PTPN12: variants seen among roughly 807,000 people sequenced by gnomAD.
The protein encoded by PTPN12 is tyrosine-protein phosphatase non-receptor type 12.
In PTPN12, 29 loss-of-function variants were observed where a neutral mutation model predicts 97.6. That is an observed-to-expected ratio of 0.30 (90% confidence interval 0.22 to 0.41). The LOEUF (loss-of-function observed/expected upper bound fraction) is 0.41, where lower values mean the gene tolerates loss of function less well. PTPN12 is among the 10% of genes least tolerant of loss of function. The pLI, the probability that PTPN12 is intolerant of heterozygous loss-of-function variation, is 1.00. For synonymous variants in PTPN12, 327 were observed against 300.4 expected, an observed-to-expected ratio of 1.09 and a Z score of -0.91; for missense variants, 819 against 926.0, an observed-to-expected ratio of 0.88 and a Z score of 1.50.
At chr7:77,607,609 T>G (rs948538650) in intron 9 of PTPN12, among the ~76,000 whole-genome samples, 1 of 152,078 alleles carries the variant, frequency 6.6e-6, no homozygotes, top group Non-Finnish European at 1.5e-5. Context: ...AAAATAAAGG[T>G]GGAGAAAAGG....
At chr7:77,561,820 C>G (rs1232697984) in intron 1 of PTPN12, among the ~76,000 whole-genome samples, 1 of 151,866 alleles carries the variant, frequency 6.6e-6, no homozygotes. Context: ...GAGACAGAGT[C>G]TTGCTCTGTC....
At chr7:77,538,493 T>G (rs1806779391) in intron 1 of PTPN12, among the ~76,000 whole-genome samples, 1 of 151,946 alleles carries the variant, frequency 6.6e-6, no homozygotes, top group Non-Finnish European at 1.5e-5. Flanking sequence ...GAGGCGACGC[T>G]ACGGGCCGAA....
intron 5 of PTPN12, among the ~76,000 whole-genome samples, chr7:77,587,327 TGTC>T (rs1787722641): frequency 6.6e-6 from 1 of 152,180 alleles, no homozygotes; most frequent in South Asian, 2.1e-4. Context: ...TCCTTGTACA[TGTC>T]CATCAGAGCT....
chr7:77,545,173 TATC>T (rs759303093), intron 1 of PTPN12, among the ~76,000 whole-genome samples: 41 of 152,340 alleles, frequency 2.7e-4, no homozygotes, highest in Non-Finnish European at 5.1e-4. Context: ...AAAATCAAGA[TATC>T]ATGTCATCGG....
chr7:77,539,377 T>C (rs1327037440), intron 1 of PTPN12, among the ~76,000 whole-genome samples: 1 of 152,198 alleles, frequency 6.6e-6, no homozygotes, highest in Non-Finnish European at 1.5e-5. Context: ...AAACATTTGC[T>C]CTTGATATTT....
chr7:77,590,242 A>G (rs1787822656), intron 5 of PTPN12, among the ~76,000 whole-genome samples: 1 of 152,226 alleles, frequency 6.6e-6, no homozygotes, highest in Non-Finnish European at 1.5e-5. Context: ...TACCAGGAAT[A>G]TAAGTACCAA....
At chr7:77,628,191 G>T (rs889733144) in intron 13 of PTPN12, among the ~76,000 whole-genome samples, 10 of 152,124 alleles carry the variant, frequency 6.6e-5, no homozygotes, top group African/African-American at 2.4e-4. Flanking sequence ...CCAACCCTGA[G>T]TTTAACCCAG....
At chr7:77,634,875 C>A (rs1449819679) in intron 14 of PTPN12, among the ~76,000 whole-genome samples, 5 of 150,688 alleles carry the variant, frequency 3.3e-5, no homozygotes, top group Admixed American at 6.6e-5. Context: ...CCACGCCCGG[C>A]CTTGTTTTGT....
chr7:77,570,153 G>T (rs950674771), intron 1 of PTPN12, among the ~76,000 whole-genome samples: 1 of 152,128 alleles, frequency 6.6e-6, no homozygotes, highest in Non-Finnish European at 1.5e-5. Context: ...ATGTATTCCT[G>T]TTGTAGGTCT....
At chr7:77,589,511 A>G (rs1787798761) in intron 5 of PTPN12, among the ~76,000 whole-genome samples, 1 of 152,156 alleles carries the variant, frequency 6.6e-6, no homozygotes, top group South Asian at 2.1e-4. Flanking sequence ...AATGTAGTTA[A>G]TATATTTAAA....
chr7:77,548,189 T>C (rs1415421011), intron 1 of PTPN12, among the ~76,000 whole-genome samples: 1 of 152,214 alleles, frequency 6.6e-6, no homozygotes, highest in Non-Finnish European at 1.5e-5. Flanking sequence ...CTATCAGATA[T>C]GTTTAAAGTG....
intron 12 of PTPN12, among the ~76,000 whole-genome samples, chr7:77,620,135 A>G (rs17467176): frequency 0.018 from 2,793 of 152,322 alleles, 34 homozygotes; most frequent in Middle Eastern, 0.071. Flanking sequence ...GATTGAGCCA[A>G]TATAGAGGTT....
Position 77,621,051 on chromosome 7 carries a change from C to CAT in PTPN12, c.1025+2504_1025+2505dup, listed in dbSNP as rs34626577. On this transcript the variant is annotated intron_variant, in intron 12 of 17. Coordinates refer to ENST00000248594, the MANE Select transcript of PTPN12 (RefSeq NM_002835.4). ...CTAAGGTGGGCGGATTGCTTGAATC[C>CAT]ATATATATATATATATATAAAAATA... is the stretch of plus-strand genomic sequence containing the variant. 7.3e-3 allele frequency among the ~76,000 whole-genome samples: 1,085 copies of CAT among 148,794 alleles called. 8 individuals carry two copies. The highest frequency in any genetic ancestry group is 0.016 in the African/African-American group (641 of 40,646).
intron 1 of PTPN12, among the ~76,000 whole-genome samples, chr7:77,566,589 C>T (rs1018997534): frequency 2.0e-5 from 3 of 152,054 alleles, no homozygotes; most frequent in East Asian, 1.9e-4. Context: ...CGTGGCGGTG[C>T]GTGCCTATAG....
intron 8 of PTPN12, 184 bp downstream of exon 8, chr7:77,600,990 C>A: frequency 5.6e-6 from 3 of 537,506 alleles, no homozygotes; most frequent in Non-Finnish European, 9.8e-6. Flanking sequence ...AGTATTGTTG[C>A]ATTAAAACAC....
At chr7:77,537,745 A>G (rs1008497368) in intron 1 of PTPN12, 100 bp downstream of exon 1, 219 of 1,259,170 alleles carry the variant, frequency 1.7e-4, no homozygotes, top group Non-Finnish European at 2.1e-4. Flanking sequence ...CTCTGTGAGG[A>G]GAGGGGCGGA....
chr7:77,597,919 A>T lies in PTPN12; in HGVS notation c.552+18A>T. 2 of 1,610,872 alleles carry T rather than the reference A, an allele frequency of 1.2e-6. No individual in the cohort carries two copies. Among genetic ancestry groups the T allele is most frequent in the Non-Finnish European group, 1.7e-6 (2 of 1,178,908 alleles). On this transcript the variant is annotated intron_variant, in intron 7 of 17. Transcript: ENST00000248594. ...TTCAAAATGTAGGTACTTACCATTT[A>T]TAGACTATCTGTAAGAATAGTTTTC... is the stretch of plus-strand genomic sequence containing the variant.
intron 1 of PTPN12, among the ~76,000 whole-genome samples, chr7:77,561,103 T>C (rs896446326): frequency 6.6e-6 from 1 of 152,198 alleles, no homozygotes. Context: ...TTGTTTTTTA[T>C]AGAGTTGAGG....
rs532336645 is a variant in PTPN12, at chr7:77,571,397, A to C, written c.208+211A>C. Reference sequence around the variant, plus strand: ...TTAATTTTTTTCCTGTAAGTATCACAGTTGCTCTAATACTAAATTACTTTT... The same window carrying C: ...TTAATTTTTTTCCTGTAAGTATCACCGTTGCTCTAATACTAAATTACTTTT... On this transcript the variant is annotated intron_variant, in intron 2 of 17. Coordinates refer to ENST00000248594, the MANE Select transcript of PTPN12 (RefSeq NM_002835.4). Among the ~76,000 whole-genome samples, 29 of 152,332 alleles carry C rather than the reference A, an allele frequency of 1.9e-4. No homozygotes were observed. In the South Asian group the frequency reaches 5.4e-3, roughly 28 times the overall value.
Sources: allele counts gnomAD v4.1 joint callset (sites outside exome capture counted in the v4.1 genomes callset), GRCh38; gene constraint gnomAD v4.1.1; transcripts MANE v1.5; gene names NCBI Gene and HGNC (gene_info 2026-07-23, HGNC 2026-07-21).